The following DPP6 variants were observed in gnomAD, a reference collection of about 807,000 sequenced individuals.
DPP6 encodes A-type potassium channel modulatory protein DPP6.
A neutral mutation model predicts 122.6 loss-of-function variants in DPP6; 69 were observed. The observed-to-expected ratio is 0.56, with a 90% CI of 0.46 to 0.69. The LOEUF is 0.69. Ranked by LOEUF, DPP6 falls within the 30% of genes least tolerant of loss-of-function variation. The pLI, the probability that DPP6 is intolerant of heterozygous loss-of-function variation, is 0.00. For synonymous variants in DPP6, 418 were observed against 433.1 expected, an observed-to-expected ratio of 0.97 and a Z score of 0.43; for missense variants, 928 against 1,116.9, an observed-to-expected ratio of 0.83 and a Z score of 2.41.
At chr7:154,612,029 A>T (rs891462759) in intron 5 of DPP6, among the ~76,000 whole-genome samples, 3 of 152,200 alleles carry the variant, frequency 2.0e-5, no homozygotes, top group African/African-American at 7.2e-5. Flanking sequence ...GCCCAATGAA[A>T]GGTGTTTAGG....
At chr7:154,555,220 G>C (rs1373664757) in intron 4 of DPP6, among the ~76,000 whole-genome samples, 1 of 152,020 alleles carries the variant, frequency 6.6e-6, no homozygotes, top group Non-Finnish European at 1.5e-5. Flanking sequence ...TCTCATAATA[G>C]AATTTTATTT....
chr7:154,587,844 C>G, intron 5 of DPP6: 1 of 1,612,848 alleles, frequency 6.2e-7, no homozygotes, highest in African/African-American at 1.3e-5. Flanking sequence ...TGCCAGCTTG[C>G]CATGTACAAG....
chr7:153,853,365 T>C, the DPP6 span, among the ~76,000 whole-genome samples: 1 of 152,226 alleles, frequency 6.6e-6, no homozygotes, highest in Non-Finnish European at 1.5e-5. Context: ...AGTGTTAAAC[T>C]GTATTTATTT....
intron 4 of DPP6, among the ~76,000 whole-genome samples, chr7:154,558,391 T>C (rs1222196881): frequency 6.6e-6 from 1 of 152,186 alleles, no homozygotes; most frequent in Non-Finnish European, 1.5e-5. Flanking sequence ...TCAGGAATTA[T>C]TTAAGTTTAT....
chr7:154,213,375 A>G (rs548823937), intron 1 of DPP6, among the ~76,000 whole-genome samples: 3 of 152,234 alleles, frequency 2.0e-5, no homozygotes, highest in Non-Finnish European at 2.9e-5. Flanking sequence ...GAAGGCTGCA[A>G]CTTATTGTTT....
At chr7:153,751,917 C>T in the DPP6 span, among the ~76,000 whole-genome samples, 4 of 151,808 alleles carry the variant, frequency 2.6e-5, no homozygotes, top group African/African-American at 7.3e-5. Context: ...GTATGTATTA[C>T]GTTAGACATC....
At chr7:154,853,852 A>G in intron 17 of DPP6, 25 bp downstream of exon 17, 1 of 1,612,840 alleles carries the variant, frequency 6.2e-7, no homozygotes, top group Non-Finnish European at 8.5e-7. Context: ...TTTTCCTTAA[A>G]TCTTCCTGAG....
intron 6 of DPP6, among the ~76,000 whole-genome samples, chr7:154,646,294 T>G (rs1836475843): frequency 6.6e-6 from 1 of 152,104 alleles, no homozygotes; most frequent in East Asian, 1.9e-4. Context: ...GTTTCTATTC[T>G]CCCATCCGGC....
the DPP6 span, among the ~76,000 whole-genome samples, chr7:153,812,671 A>T: frequency 2.6e-5 from 4 of 152,214 alleles, no homozygotes; most frequent in Non-Finnish European, 5.9e-5. Context: ...CTGATTCAAC[A>T]GAGAAAGTGG....
chr7:154,603,899 G>C lies in DPP6; in HGVS notation c.628-33922G>C, dbSNP rs904956644. 2.5e-5 allele frequency among the ~76,000 whole-genome samples: 3 copies of C among 118,998 alleles called. 1 individual carries two copies. In the East Asian group the frequency reaches 1.1e-3, roughly 43 times the overall value. 78.1% of individuals were successfully genotyped at this position (118,998 alleles called of 152,430 possible). A position where few individuals can be genotyped will look rare whatever the true frequency, so the allele number is the denominator to read the frequency against. On this transcript the variant is annotated intron_variant, in intron 5 of 25. Coordinates refer to ENST00000377770, the MANE Select transcript of DPP6 (RefSeq NM_130797.4). ...AGAATGTAATGATTGATAGGTGCACGTGGGATTTCTTAGTGTCTGATAAAG... is the reference window on the plus strand; with the variant it reads ...AGAATGTAATGATTGATAGGTGCACCTGGGATTTCTTAGTGTCTGATAAAG...
At chr7:154,187,030 A>C (rs1348681855) in intron 1 of DPP6, among the ~76,000 whole-genome samples, 4 of 152,194 alleles carry the variant, frequency 2.6e-5, no homozygotes, top group African/African-American at 9.7e-5. Context: ...AGCTCCTGGC[A>C]GTGCCATGAC....
chr7:153,941,565 G>T (rs2129016871), intron 1 of DPP6, among the ~76,000 whole-genome samples: 1 of 152,310 alleles, frequency 6.6e-6, no homozygotes, highest in South Asian at 2.1e-4. Flanking sequence ...GTGACCTTTG[G>T]TATAAAAGGA....
rs1252854334 is a variant in DPP6 at position 154,727,904 on chromosome 7, G to C, written c.883+17G>C. 3 of 1,561,610 alleles carry C rather than the reference G, an allele frequency of 1.9e-6. No individual in the cohort carries two copies. Among genetic ancestry groups the C allele is most frequent in the Admixed American group, 1.9e-5 (1 of 52,350 alleles). Reference sequence around the variant, plus strand: ...TGTATGAAGGTAAGATGTGCACAGAGAGAAAAAAGGAAGATTTGTGGTTGC... The same window carrying C: ...TGTATGAAGGTAAGATGTGCACAGACAGAAAAAAGGAAGATTTGTGGTTGC... On this transcript the variant is annotated intron_variant, in intron 8 of 25. Transcript: ENST00000377770.
At chr7:154,679,619 G>A (rs1839159951) in intron 7 of DPP6, among the ~76,000 whole-genome samples, 1 of 152,190 alleles carries the variant, frequency 6.6e-6, no homozygotes, top group South Asian at 2.1e-4. Context: ...GCGAGGGGAG[G>A]AAGATTGATC....
intron 3 of DPP6, among the ~76,000 whole-genome samples, chr7:154,534,558 C>G (rs1473090065): frequency 6.6e-6 from 1 of 151,112 alleles, no homozygotes; most frequent in Non-Finnish European, 1.5e-5. Flanking sequence ...AATCAATAGA[C>G]AAAATTAACT....
chr7:154,853,686 T>G (rs1036209572), intron 16 of DPP6, 94 bp from the exon 17 acceptor site: 26 of 1,541,470 alleles, frequency 1.7e-5, no homozygotes, highest in African/African-American at 6.9e-5. Flanking sequence ...CGCACGTCTA[T>G]CTACGTGGCA....
At chr7:154,424,338 A>G (rs1817719412) in intron 1 of DPP6, among the ~76,000 whole-genome samples, 1 of 152,192 alleles carries the variant, frequency 6.6e-6, no homozygotes, top group African/African-American at 2.4e-5. Flanking sequence ...TATGAGATCC[A>G]AAGTCTGAAA....
intron 1 of DPP6, among the ~76,000 whole-genome samples, chr7:154,017,831 C>G (rs1039356100): frequency 1.3e-5 from 2 of 151,456 alleles, no homozygotes; most frequent in Non-Finnish European, 2.9e-5. Flanking sequence ...TTTGCTAATC[C>G]ATAGATACTC....
chr7:154,109,389 C>G (rs1485960047), intron 1 of DPP6, among the ~76,000 whole-genome samples: 2 of 151,994 alleles, frequency 1.3e-5, no homozygotes, highest in South Asian at 2.1e-4. Context: ...CTCCCAGGTT[C>G]AAGTGATTTT....
Sources: allele counts gnomAD v4.1 joint callset (sites outside exome capture counted in the v4.1 genomes callset), GRCh38; gene constraint gnomAD v4.1.1; transcripts MANE v1.5; gene names NCBI Gene and HGNC (gene_info 2026-07-23, HGNC 2026-07-21).